MBD2: variants seen among roughly 807,000 people sequenced by gnomAD.
The protein encoded by MBD2 is methyl-CpG binding domain protein 2, also known as methyl-CpG-binding domain protein 2.
In MBD2, 9 loss-of-function variants were observed where a neutral mutation model predicts 39.3. The ratio of observed to expected loss-of-function variants is 0.23; its 90% CI spans 0.14 to 0.40. The LOEUF is 0.40. Ranked by LOEUF, MBD2 falls within the 10% of genes least tolerant of loss-of-function variation. MBD2 has a pLI of 1.00. For synonymous variants in MBD2, 233 were observed against 211.1 expected, an observed-to-expected ratio of 1.10 and a Z score of -0.90; for missense variants, 458 against 532.6, an observed-to-expected ratio of 0.86 and a Z score of 1.38.
chr18:54,186,810 G>C (rs1017102369), intron 3 of MBD2, among the ~76,000 whole-genome samples: 6 of 152,200 alleles, frequency 3.9e-5, no homozygotes, highest in African/African-American at 1.4e-4. Context: ...TCCTGTCTAT[G>C]CAAGCTAAAA....
intron 3 of MBD2, among the ~76,000 whole-genome samples, chr18:54,172,433 C>CA (rs1371848180): frequency 6.6e-6 from 1 of 151,940 alleles, no homozygotes; most frequent in Non-Finnish European, 1.5e-5. Context: ...GCAAGTATTT[C>CA]AAAAAATGGA....
intron 1 of MBD2, chr18:54,222,475 A>G (rs1206368783): frequency 2.4e-6 from 1 of 410,722 alleles, no homozygotes; most frequent in African/African-American, 2.1e-5. Context: ...CAAGACTATC[A>G]CACTTTTTCT....
Position 54,189,276 on chromosome 18 carries a change from T to A in MBD2, c.703-265A>T, listed in dbSNP as rs1034624966. ...TCTCACTCTGTCGCCCAGGCTGGAG[T>A]GCAGTGGCGCGATCTAGGCTCACTA... On this transcript the variant is annotated intron_variant, in intron 2 of 6. Coordinates refer to ENST00000256429, the MANE Select transcript of MBD2 (RefSeq NM_003927.5). Among the ~76,000 whole-genome samples, 3 of 146,974 alleles carry A rather than the reference T, an allele frequency of 2.0e-5. No homozygotes were observed. In the Admixed American group the frequency reaches 2.1e-4, roughly 10 times the overall value.
chr18:54,205,189 GCAA>G (rs766667711), intron 1 of MBD2, 32 bp from the exon 2 acceptor site: 1 of 1,598,152 alleles, frequency 6.3e-7, no homozygotes, highest in African/African-American at 1.3e-5. Context: ...TGAACAAAAG[GCAA>G]CAATATTCTC....
intron 2 of MBD2, among the ~76,000 whole-genome samples, chr18:54,190,378 G>T (rs2086312328): frequency 6.6e-6 from 1 of 152,072 alleles, no homozygotes; most frequent in African/African-American, 2.4e-5. Context: ...TGCACTTTAG[G>T]TTCAGTGGAG....
chr18:54,161,410 C>T (rs545954671), intron 5 of MBD2, among the ~76,000 whole-genome samples: 1 of 152,128 alleles, frequency 6.6e-6, no homozygotes, highest in Non-Finnish European at 1.5e-5. Flanking sequence ...CAGGGTCAAG[C>T]AGAACACATT....
chr18:54,152,009 G>A lies in MBD2; in HGVS notation c.*3315C>T, dbSNP rs989025085. 1.4e-4 allele frequency: 21 copies of A among 152,182 alleles called. No individual in the cohort carries two copies. Among genetic ancestry groups the A allele is most frequent in the African/African-American group, 5.1e-4 (21 of 41,504 alleles). 9.4% of individuals were successfully genotyped at this position (152,182 alleles called of 1,614,324 possible). On this transcript the variant is annotated 3_prime_UTR_variant, in exon 7 of 7. Transcript: ENST00000256429. ...CTGGGCTAGGCTCGGGGAACATGAGGATGAAAAAGCACAATCTCTGCTTTT... is the reference window on the plus strand; with the variant it reads ...CTGGGCTAGGCTCGGGGAACATGAGAATGAAAAAGCACAATCTCTGCTTTT...
intron 1 of MBD2, among the ~76,000 whole-genome samples, chr18:54,205,401 G>A (rs1038839310): frequency 2.0e-5 from 3 of 151,652 alleles, no homozygotes; most frequent in Non-Finnish European, 4.4e-5. Flanking sequence ...GTGAAACCCC[G>A]TCTCTGCTAA....
At position 54,212,703 on chromosome 18, in the gene MBD2, T is replaced by A. The variant is rs1427123449; in HGVS notation, c.543-7546A>T. On this transcript the variant is annotated intron_variant, in intron 1 of 6. Coordinates refer to ENST00000256429, the MANE Select transcript of MBD2 (RefSeq NM_003927.5). ...AAATAGGAAAGCTTTAAAAAAAAAA[T>A]ATCAAGACTCTGGGCAAGTCAATTT... Among the ~76,000 whole-genome samples the A allele has an allele frequency of 2.0e-5, 3 of 151,698 alleles. 1 individual carries two copies. Among genetic ancestry groups the A allele is most frequent in the South Asian group, 4.2e-4 (2 of 4,814 alleles).
At chr18:54,199,947 A>C (rs535575094) in intron 2 of MBD2, among the ~76,000 whole-genome samples, 2 of 152,304 alleles carry the variant, frequency 1.3e-5, no homozygotes, top group South Asian at 4.1e-4. Context: ...AGCTCTCCAC[A>C]AAATTTTTTA....
rs2086036663 is a variant in MBD2, at chr18:54,153,891, T to C, written c.*1433A>G. On this transcript the variant is annotated 3_prime_UTR_variant, in exon 7 of 7. Coordinates refer to ENST00000256429, the MANE Select transcript of MBD2 (RefSeq NM_003927.5). ...CAAGAAGTATTTATGTAGTTTGGCA[T>C]AAAAGTCCAGGAAAAACAGCAGCCC... 6.6e-6 allele frequency: 1 copy of C among 152,238 alleles called. No homozygotes were observed. Among genetic ancestry groups the C allele is most frequent in the Admixed American group, 6.5e-5 (1 of 15,278 alleles). The allele number at this position is 152,238 out of a possible 1,614,324, so 9.4% of individuals were successfully genotyped here.
chr18:54,215,426 T>A (rs80138112), intron 1 of MBD2, among the ~76,000 whole-genome samples: 2 of 152,096 alleles, frequency 1.3e-5, no homozygotes, highest in Non-Finnish European at 2.9e-5. Flanking sequence ...AAAAAATAAA[T>A]TAGTTAAAAC....
In MBD2 at chr18:54,187,136, C is replaced by T. The variant is rs553230571; in HGVS notation, c.840+1738G>A. Among the ~76,000 whole-genome samples, 7 of 152,158 alleles carry T rather than the reference C, an allele frequency of 4.6e-5. No individual in the cohort carries two copies. The South Asian group carries it at 1.0e-3, about 23-fold the overall frequency. On this transcript the variant is annotated intron_variant, in intron 3 of 6. Transcript: ENST00000256429. ...GAAAATAATTAAATTACTGTTAAAACGGCCAGAATTTGCTAATCAATTCAT... is the reference window on the plus strand; with the variant it reads ...GAAAATAATTAAATTACTGTTAAAATGGCCAGAATTTGCTAATCAATTCAT...
intron 2 of MBD2, chr18:54,203,028 G>T: frequency 8.0e-7 from 1 of 1,244,142 alleles, no homozygotes; most frequent in South Asian, 1.2e-5. Flanking sequence ...ATTCCAAGCA[G>T]AGCAAACAGC....
intron 1 of MBD2, among the ~76,000 whole-genome samples, chr18:54,211,414 C>CACACACACAT (rs10666436): frequency 6.7e-6 from 1 of 149,708 alleles, no homozygotes; most frequent in East Asian, 2.0e-4. Context: ...CACACACACA[C>CACACACACAT]GCACACACGC....
intron 1 of MBD2, among the ~76,000 whole-genome samples, chr18:54,207,414 A>G (rs2086459350): frequency 6.6e-6 from 1 of 152,208 alleles, no homozygotes; most frequent in African/African-American, 2.4e-5. Context: ...TATTTTCATT[A>G]CAATATTTCC....
Position 54,224,380 on chromosome 18 carries a change from G to T in MBD2, c.180C>A (p.Gly60=). Reference sequence around the variant, plus strand: ...GGCCCGCCTGCTTCCACCGCCCCCGGCCACGGCCGCCGCCCCGAGCGCCTT... The same window carrying T: ...GGCCCGCCTGCTTCCACCGCCCCCGTCCACGGCCGCCGCCCCGAGCGCCTT... The part of the protein sequence containing the change: ...RREGARGGGR[G]RGRWKQAGRG... The change falls in exon 1 of 7, where the codon GGC becomes GGA. Residue 60 remains glycine (G), a synonymous_variant. Coordinates refer to ENST00000256429, the MANE Select transcript of MBD2 (RefSeq NM_003927.5). 8.2e-7 allele frequency: 1 copy of T among 1,224,786 alleles called. No individual in the cohort carries two copies. Among genetic ancestry groups the T allele is most frequent in the Non-Finnish European group, 1.0e-6 (1 of 981,500 alleles). 75.9% of individuals were successfully genotyped at this position (1,224,786 alleles called of 1,614,324 possible). A position where few individuals can be genotyped will look rare whatever the true frequency, so the allele number is the denominator to read the frequency against.
intron 1 of MBD2, among the ~76,000 whole-genome samples, chr18:54,209,487 G>A (rs1415896716): frequency 6.6e-6 from 1 of 152,124 alleles, no homozygotes; most frequent in African/African-American, 2.4e-5. Flanking sequence ...ACCATTTCCT[G>A]TTTTACAGAT....
At chr18:54,182,007 A>C (rs1232237252) in intron 3 of MBD2, among the ~76,000 whole-genome samples, 1 of 152,108 alleles carries the variant, frequency 6.6e-6, no homozygotes, top group Non-Finnish European at 1.5e-5. Flanking sequence ...TGCACTTAAC[A>C]CAACATGATA....
Sources: gnomAD v4.1 joint callset for allele counts (sites outside exome capture counted in the v4.1 genomes callset) on GRCh38, gnomAD v4.1.1 for gene constraint, MANE v1.5 for transcripts, NCBI Gene and HGNC (gene_info 2026-07-23, HGNC 2026-07-21) for gene names.